Variants in MEIKIN observed in about 807,000 individuals in gnomAD.
The protein encoded by MEIKIN is meiosis-specific kinetochore protein.
intron 10 of MEIKIN, among the ~76,000 whole-genome samples, chr5:131,852,872 AC>A (rs1460175328): frequency 1.8e-5 from 1 of 57,082 alleles, no homozygotes; most frequent in Non-Finnish European, 4.1e-5. Flanking sequence ...TAGTTTTGCC[AC>A]GAAAAAAATC....
intron 12 of MEIKIN, among the ~76,000 whole-genome samples, chr5:131,807,502 T>G (rs1772867213): frequency 6.6e-6 from 1 of 152,178 alleles, no homozygotes; most frequent in African/African-American, 2.4e-5. Context: ...TCAATAACAT[T>G]CTGGTGGAAA....
chr5:131,902,578 AG>A (rs1233906384), intron 8 of MEIKIN, among the ~76,000 whole-genome samples: 1 of 152,130 alleles, frequency 6.6e-6, no homozygotes, highest in East Asian at 1.9e-4. Context: ...CAGAACCATG[AG>A]CCAATTAAGC....
intron 7 of MEIKIN, among the ~76,000 whole-genome samples, chr5:131,912,785 G>A (rs1751351062): frequency 6.6e-6 from 1 of 152,106 alleles, no homozygotes; most frequent in African/African-American, 2.4e-5. Context: ...AAAAAGTTCA[G>A]TGTAATATTA....
chr5:131,810,811 T>A (rs1026196630), intron 12 of MEIKIN, among the ~76,000 whole-genome samples: 6 of 152,340 alleles, frequency 3.9e-5, no homozygotes, highest in African/African-American at 1.2e-4. Flanking sequence ...TTGTTTTTTA[T>A]TTAATCAGCA....
chr5:131,901,122 G>A (rs1580898551), intron 8 of MEIKIN, among the ~76,000 whole-genome samples: 1 of 152,136 alleles, frequency 6.6e-6, no homozygotes. Flanking sequence ...TGCACATGGT[G>A]ACCAACAGAC....
chr5:131,861,187 G>T (rs916825653), intron 9 of MEIKIN, among the ~76,000 whole-genome samples: 1 of 151,998 alleles, frequency 6.6e-6, no homozygotes, highest in African/African-American at 2.4e-5. Flanking sequence ...TCAAGAGATC[G>T]AGACCATCCT....
At chr5:131,941,768 G>A (rs1483501522) in intron 4 of MEIKIN, among the ~76,000 whole-genome samples, 1 of 152,090 alleles carries the variant, frequency 6.6e-6, no homozygotes, top group Non-Finnish European at 1.5e-5. Flanking sequence ...ACTAAAAACT[G>A]AATTTCTAGT....
At position 131,819,855 on chromosome 5, in the gene MEIKIN, A is replaced by C. The variant is rs1172795954; in HGVS notation, c.976-992T>G. On this transcript the variant is annotated intron_variant, in intron 11 of 12. Transcript: ENST00000442687. ...CAGTGGCGGGATCTCGGCTCACTGC[A>C]AGCTCCGCCTCCCGGGTTCACGCCA... Among the ~76,000 whole-genome samples, 156 of 131,186 alleles carry C rather than the reference A, an allele frequency of 1.2e-3. 1 individual carries two copies. Among genetic ancestry groups the C allele is most frequent in the African/African-American group, 4.4e-3 (148 of 33,698 alleles). 86.1% of individuals were successfully genotyped at this position (131,186 alleles called of 152,430 possible).
At chr5:131,872,829 G>A (rs1385988863) in intron 9 of MEIKIN, among the ~76,000 whole-genome samples, 5 of 152,234 alleles carry the variant, frequency 3.3e-5, no homozygotes, top group African/African-American at 9.6e-5. Context: ...CCAGAAGAGA[G>A]TGGGGGCCAA....
intron 9 of MEIKIN, among the ~76,000 whole-genome samples, chr5:131,855,985 G>A (rs941026852): frequency 6.6e-6 from 1 of 152,260 alleles, no homozygotes; most frequent in Non-Finnish European, 1.5e-5. Flanking sequence ...TTGAGTAGGT[G>A]TCTCTTGTAA....
At chr5:131,869,036 T>C (rs1383696910) in intron 9 of MEIKIN, among the ~76,000 whole-genome samples, 1 of 152,226 alleles carries the variant, frequency 6.6e-6, no homozygotes, top group Non-Finnish European at 1.5e-5. Flanking sequence ...TGGTATTGTA[T>C]CTAAAAAGTC....
intron 6 of MEIKIN, among the ~76,000 whole-genome samples, chr5:131,917,999 C>T (rs775092382): frequency 2.0e-5 from 3 of 152,098 alleles, no homozygotes; most frequent in Non-Finnish European, 4.4e-5. Flanking sequence ...CCCTGCATCT[C>T]GCTGGACAAA....
At chr5:131,916,730 A>T (rs1751420808) in intron 7 of MEIKIN, among the ~76,000 whole-genome samples, 156 bp downstream of exon 7, 2 of 152,228 alleles carry the variant, frequency 1.3e-5, no homozygotes, top group South Asian at 4.1e-4. Context: ...GTTCACTACT[A>T]TATCTCTAGC....
chr5:131,871,812 C>A lies in MEIKIN; in HGVS notation c.774+7166G>T, dbSNP rs542998337. Among the ~76,000 whole-genome samples, 5 of 152,136 alleles carry A rather than the reference C, an allele frequency of 3.3e-5. No individual in the cohort carries two copies. In the South Asian group the frequency reaches 8.3e-4, roughly 25 times the overall value. ...CTCTGAGACAAAACTTCCAGAGGAA[C>A]GATCAGGCAGCAGCATTTGCGGTTC... On this transcript the variant is annotated intron_variant, in intron 9 of 12. Transcript: ENST00000442687.
intron 11 of MEIKIN, among the ~76,000 whole-genome samples, chr5:131,833,380 T>C (rs998326875): frequency 6.6e-6 from 1 of 152,218 alleles, no homozygotes; most frequent in Non-Finnish European, 1.5e-5. Flanking sequence ...ATTGTTTATA[T>C]TGCAATCAAC....
At chr5:131,825,533 C>G (rs1023385718) in intron 11 of MEIKIN, among the ~76,000 whole-genome samples, 1 of 152,162 alleles carries the variant, frequency 6.6e-6, no homozygotes, top group Non-Finnish European at 1.5e-5. Context: ...GGCTTGAGGT[C>G]AGGGTTTCTA....
intron 9 of MEIKIN, among the ~76,000 whole-genome samples, chr5:131,874,701 A>T (rs1750579314): frequency 6.6e-6 from 1 of 152,196 alleles, no homozygotes; most frequent in Non-Finnish European, 1.5e-5. Context: ...AAAAAAGGGA[A>T]TTTTAGACCA....
intron 8 of MEIKIN, among the ~76,000 whole-genome samples, chr5:131,905,523 T>C (rs1452098559): frequency 1.3e-5 from 2 of 151,918 alleles, no homozygotes; most frequent in Non-Finnish European, 2.9e-5. Flanking sequence ...AAAGAATTAA[T>C]CTGATAGACC....
intron 8 of MEIKIN, among the ~76,000 whole-genome samples, chr5:131,908,023 C>T (rs1258044456): frequency 6.6e-6 from 1 of 152,036 alleles, no homozygotes; most frequent in Admixed American, 6.6e-5. Context: ...GTACTAATAC[C>T]AATCCTACTC....
Sources: allele counts gnomAD v4.1 joint callset (sites outside exome capture counted in the v4.1 genomes callset), GRCh38; gene constraint gnomAD v4.1.1; transcripts MANE v1.5; gene names NCBI Gene and HGNC (gene_info 2026-07-23, HGNC 2026-07-21).